SPAG16: variants seen among roughly 807,000 people sequenced by gnomAD.
SPAG16 encodes the protein sperm-associated antigen 16 protein.
In SPAG16, 86 loss-of-function variants were observed where a neutral mutation model predicts 80.4. The ratio of observed to expected loss-of-function variants is 1.07; its 90% CI spans 0.90 to 1.28. The LOEUF (loss-of-function observed/expected upper bound fraction) is 1.28, where lower values mean the gene tolerates loss of function less well. SPAG16 is among the 50% of genes most tolerant of loss of function. The pLI is 0.00. For missense variants in SPAG16, 870 were observed against 765.3 expected (o/e 1.14, Z -1.61); for synonymous variants, 294 against 265.9 (o/e 1.11, Z -1.03).
At chr2:214,330,646 C>CG (rs112104941) in intron 15 of SPAG16, among the ~76,000 whole-genome samples, 9,864 of 152,196 alleles carry the variant, frequency 0.065, 1,042 homozygotes, top group African/African-American at 0.22. Flanking sequence ...GGGTTTGAAA[C>CG]TTTGACCCCT....
intron 10 of SPAG16, among the ~76,000 whole-genome samples, chr2:213,566,467 T>C (rs1047549004): frequency 6.6e-6 from 1 of 152,114 alleles, no homozygotes; most frequent in East Asian, 1.9e-4. Context: ...AAAAATACAA[T>C]TTGAGGAAAA....
In SPAG16 at chr2:213,455,131, T is replaced by A. The variant is rs139862440; in HGVS notation, c.943-34832T>A. ...TAATGAAATTTGTTCAGAGTTTGAC[T>A]TTTTATTCATTTTCTTATCCCACTA... On this transcript the variant is annotated intron_variant, in intron 9 of 15. Transcript: ENST00000331683. Among the ~76,000 whole-genome samples the A allele has an allele frequency of 1.5e-3, 236 of 152,354 alleles. 2 individuals are homozygous for A. Among genetic ancestry groups the A allele is most frequent in the Non-Finnish European group, 7.3e-5 (5 of 68,034 alleles).
At chr2:213,299,959 T>C (rs2062667554) in intron 3 of SPAG16, among the ~76,000 whole-genome samples, 4 of 152,214 alleles carry the variant, frequency 2.6e-5, no homozygotes, top group Non-Finnish European at 4.4e-5. Context: ...AAGAAAGGTC[T>C]ACTTACATTG....
At chr2:213,710,058 G>A (rs965205325) in intron 10 of SPAG16, among the ~76,000 whole-genome samples, 4 of 152,070 alleles carry the variant, frequency 2.6e-5, no homozygotes, top group Non-Finnish European at 4.4e-5. Context: ...CACGAGGCAG[G>A]CAGATAAGGA....
At chr2:213,600,670 T>C (rs1185493006) in intron 10 of SPAG16, among the ~76,000 whole-genome samples, 4 of 152,218 alleles carry the variant, frequency 2.6e-5, no homozygotes, top group Admixed American at 2.6e-4. Flanking sequence ...TTTGTAGAAG[T>C]GTGAATTGTC....
At chr2:213,708,010 T>A (rs546851069) in intron 10 of SPAG16, among the ~76,000 whole-genome samples, 5 of 152,286 alleles carry the variant, frequency 3.3e-5, no homozygotes, top group Admixed American at 6.5e-5. Context: ...TCAGTGAAAG[T>A]CAATAAAGAT....
At chr2:213,520,728 A>T (rs1360739460) in intron 10 of SPAG16, among the ~76,000 whole-genome samples, 1 of 152,256 alleles carries the variant, frequency 6.6e-6, no homozygotes, top group Non-Finnish European at 1.5e-5. Flanking sequence ...TCCAAAAAAT[A>T]CAAAGCATTC....
At chr2:213,530,925 T>C (rs924339713) in intron 10 of SPAG16, among the ~76,000 whole-genome samples, 1 of 152,182 alleles carries the variant, frequency 6.6e-6, no homozygotes, top group Admixed American at 6.6e-5. Flanking sequence ...AGCATTGTCT[T>C]CTTGCTTAAA....
rs550119976 is a variant in SPAG16, at chr2:213,592,723, T to G, written c.1070+102633T>G. 4.6e-5 allele frequency among the ~76,000 whole-genome samples: 7 copies of G among 152,278 alleles called. No individual in the cohort carries two copies. The South Asian group carries it at 1.2e-3, about 27-fold the overall frequency. On this transcript the variant is annotated intron_variant, in intron 10 of 15. Transcript: ENST00000331683. ...CCATGAAGGGAGGAGGTTCAGAGTT[T>G]GAATGGTGCTAATGAAGTTCCTTGC... is the stretch of plus-strand genomic sequence containing the variant.
intron 9 of SPAG16, among the ~76,000 whole-genome samples, chr2:213,413,559 AC>A: frequency 2.0e-5 from 3 of 152,264 alleles, no homozygotes; most frequent in Non-Finnish European, 4.4e-5. Context: ...TGAGAGGACT[AC>A]ATATATTATT....
intron 15 of SPAG16, among the ~76,000 whole-genome samples, chr2:214,268,649 T>C (rs568054785): frequency 8.6e-5 from 13 of 151,892 alleles, no homozygotes; most frequent in African/African-American, 3.1e-4. Flanking sequence ...AATAAATAAA[T>C]TAACAGATGG....
chr2:213,685,663 A>T (rs772123009), intron 10 of SPAG16, among the ~76,000 whole-genome samples: 4 of 152,234 alleles, frequency 2.6e-5, no homozygotes, highest in Non-Finnish European at 5.9e-5. Context: ...AACAATAGGC[A>T]GGGACAAGAC....
intron 15 of SPAG16, among the ~76,000 whole-genome samples, chr2:214,193,605 A>G (rs2057737162): frequency 6.6e-6 from 1 of 152,014 alleles, no homozygotes; most frequent in Non-Finnish European, 1.5e-5. Context: ...AATCCAGTTC[A>G]TCATCTCTGC....
intron 6 of SPAG16, among the ~76,000 whole-genome samples, chr2:213,340,858 A>T (rs534192213): frequency 6.6e-6 from 1 of 152,222 alleles, no homozygotes; most frequent in South Asian, 2.1e-4. Flanking sequence ...TAAATTTACA[A>T]TCCTTAAATA....
chr2:214,010,304 A>G (rs544974500), intron 12 of SPAG16, among the ~76,000 whole-genome samples: 2 of 146,692 alleles, frequency 1.4e-5, no homozygotes, highest in South Asian at 4.3e-4. Flanking sequence ...AATTGTAGAG[A>G]AAATATTAAA....
chr2:214,298,841 G>T (rs1051764998), intron 15 of SPAG16, among the ~76,000 whole-genome samples: 1 of 151,968 alleles, frequency 6.6e-6, no homozygotes, highest in African/African-American at 2.4e-5. Flanking sequence ...TTTTTTCTTG[G>T]CAAGGGGCAT....
chr2:214,030,820 T>C (rs576086656), intron 13 of SPAG16, among the ~76,000 whole-genome samples: 1 of 152,342 alleles, frequency 6.6e-6, no homozygotes, highest in South Asian at 2.1e-4. Context: ...AGGGTTTTCA[T>C]CTGCATCTCT....
chr2:214,071,575 C>T (rs1419480063), intron 13 of SPAG16, among the ~76,000 whole-genome samples: 1 of 152,020 alleles, frequency 6.6e-6, no homozygotes, highest in Non-Finnish European at 1.5e-5. Context: ...CTATATTAAC[C>T]CAACATGAAC....
At chr2:213,503,884 G>T (rs372468119) in intron 10 of SPAG16, among the ~76,000 whole-genome samples, 3 of 152,180 alleles carry the variant, frequency 2.0e-5, no homozygotes, top group Non-Finnish European at 4.4e-5. Context: ...GGAAAAGCAG[G>T]TTTTAATTGG....
Sources: gnomAD v4.1 joint callset for allele counts (sites outside exome capture counted in the v4.1 genomes callset) on GRCh38, gnomAD v4.1.1 for gene constraint, MANE v1.5 for transcripts, NCBI Gene and HGNC (gene_info 2026-07-23, HGNC 2026-07-21) for gene names.